SLC1A3: variants seen among roughly 807,000 people sequenced by gnomAD.
The protein encoded by SLC1A3 is excitatory amino acid transporter 1.
A neutral mutation model predicts 48.1 loss-of-function variants in SLC1A3; 21 were observed. The ratio of observed to expected loss-of-function variants is 0.44; its 90% CI spans 0.31 to 0.63. SLC1A3 has a LOEUF of 0.63. Among genes scored for constraint, SLC1A3 ranks in the 20% least tolerant of loss-of-function variants. The probability of loss-of-function intolerance (pLI) is 0.08; values close to 1 mark genes in which losing one functional copy is unlikely to be tolerated. For missense variants in SLC1A3, 546 were observed against 689.0 expected (o/e 0.79, Z 2.32); for synonymous variants, 239 against 251.4 (o/e 0.95, Z 0.47).
chr5:36,609,956 A>G (rs1027426799), intron 2 of SLC1A3, among the ~76,000 whole-genome samples: 1 of 152,218 alleles, frequency 6.6e-6, no homozygotes, highest in Non-Finnish European at 1.5e-5. Context: ...GCAAACATTT[A>G]TATAGTACTA....
chr5:36,613,037 G>C, intron 2 of SLC1A3: 1 of 342,950 alleles, frequency 2.9e-6, no homozygotes, highest in Non-Finnish European at 5.8e-6. Context: ...CAGAGTGGCT[G>C]ATGATGCCAC....
chr5:36,620,742 G>A (rs1018481301), intron 2 of SLC1A3, among the ~76,000 whole-genome samples: 1 of 152,184 alleles, frequency 6.6e-6, no homozygotes, highest in Non-Finnish European at 1.5e-5. Context: ...TTCTAACCTT[G>A]TGGAGCTTAC....
chr5:36,671,264 G>A (rs1741985485), intron 4 of SLC1A3, 31 bp downstream of exon 4: 1 of 1,541,828 alleles, frequency 6.5e-7, no homozygotes, highest in Non-Finnish European at 8.9e-7. Context: ...CCTTTGGGGT[G>A]TATTTTCGCC....
chr5:36,659,831 C>A (rs1213872145), intron 3 of SLC1A3, among the ~76,000 whole-genome samples: 2 of 152,072 alleles, frequency 1.3e-5, no homozygotes, highest in Non-Finnish European at 2.9e-5. Context: ...TGAAAGAGTG[C>A]ACGAATAAGT....
intron 4 of SLC1A3, among the ~76,000 whole-genome samples, 160 bp downstream of exon 4, chr5:36,671,393 A>G (rs756811388): frequency 6.6e-6 from 1 of 152,188 alleles, no homozygotes; most frequent in Non-Finnish European, 1.5e-5. Context: ...GAAATTGAAG[A>G]AAGGATCCAT....
chr5:36,643,523 A>T (rs554952424), intron 3 of SLC1A3, among the ~76,000 whole-genome samples: 1 of 152,186 alleles, frequency 6.6e-6, no homozygotes, highest in African/African-American at 2.4e-5. Flanking sequence ...GCTTTTTGTT[A>T]TTGAATTGTA....
chr5:36,669,162 G>A (rs1208012078), intron 3 of SLC1A3: 1 of 152,254 alleles, frequency 6.6e-6, no homozygotes, highest in African/African-American at 2.4e-5. Flanking sequence ...GCAGGCTTTG[G>A]TGGTGACAAG....
At chr5:36,640,030 G>C (rs1423277008) in intron 3 of SLC1A3, among the ~76,000 whole-genome samples, 1 of 152,202 alleles carries the variant, frequency 6.6e-6, no homozygotes, top group East Asian at 1.9e-4. Flanking sequence ...GAGAGGAAGA[G>C]GTGGGGGCGG....
intron 3 of SLC1A3, among the ~76,000 whole-genome samples, chr5:36,639,718 TAC>T (rs1740536120): frequency 6.6e-6 from 1 of 152,258 alleles, no homozygotes; most frequent in African/African-American, 2.4e-5. Context: ...ATAAATTCCA[TAC>T]AGTTTTATTT....
chr5:36,659,560 G>A (rs2111879906), intron 3 of SLC1A3, among the ~76,000 whole-genome samples: 1 of 152,344 alleles, frequency 6.6e-6, no homozygotes, highest in East Asian at 1.9e-4. Context: ...GTCACAAGCT[G>A]ATAAGTGGGG....
At chr5:36,603,081 A>G (rs1186504032), upstream of SLC1A3, among the ~76,000 whole-genome samples, 1 of 152,214 alleles carries the variant, frequency 6.6e-6, no homozygotes, top group African/African-American at 2.4e-5. Flanking sequence ...TTTACCTAAA[A>G]CGAAAATTAC....
In SLC1A3 at chr5:36,652,325, TACAC is replaced by T. The variant is rs3051477; in HGVS notation, c.320-18686_320-18683del. Among the ~76,000 whole-genome samples the T allele has an allele frequency of 6.0e-3, 906 of 150,502 alleles. 10 individuals are homozygous for T. Among genetic ancestry groups the T allele is most frequent in the African/African-American group, 0.02 (839 of 41,002 alleles). ...CAAGTGGCGTGAGCGCACACACACATACACACACACACACACACACAACATTCAC... is the reference window on the plus strand; with the variant it reads ...CAAGTGGCGTGAGCGCACACACACATACACACACACACACACAACATTCAC... On this transcript the variant is annotated intron_variant, in intron 3 of 9. Transcript: ENST00000265113.
At chr5:36,626,055 G>T (rs940494881) in intron 2 of SLC1A3, among the ~76,000 whole-genome samples, 1 of 152,226 alleles carries the variant, frequency 6.6e-6, no homozygotes, top group Non-Finnish European at 1.5e-5. Context: ...CATTCATGGA[G>T]CTGGCTTACT....
intron 1 of SLC1A3, among the ~76,000 whole-genome samples, chr5:36,596,712 C>G (rs1475641864): frequency 2.6e-5 from 4 of 152,182 alleles, no homozygotes; most frequent in South Asian, 2.1e-4. Context: ...ATTTGAAAAA[C>G]AGCAAACATC....
At chr5:36,597,242 T>C in intron 1 of SLC1A3, among the ~76,000 whole-genome samples, 1 of 93,770 alleles carries the variant, frequency 1.1e-5, no homozygotes, top group African/African-American at 4.5e-5. Flanking sequence ...TCTTTTTTTT[T>C]TTTTTTTTTT....
At chr5:36,664,317 G>A (rs796979164) in intron 3 of SLC1A3, among the ~76,000 whole-genome samples, 1 of 152,124 alleles carries the variant, frequency 6.6e-6, no homozygotes, top group African/African-American at 2.4e-5. Context: ...ATTTTTAGTA[G>A]AGACAGGGTT....
chr5:36,638,318 C>T (rs1740475546), intron 3 of SLC1A3, among the ~76,000 whole-genome samples: 1 of 152,136 alleles, frequency 6.6e-6, no homozygotes, highest in African/African-American at 2.4e-5. Flanking sequence ...CTTCGCAAGC[C>T]CCTCTACCAG....
At chr5:36,685,906 C>A (rs10079671) in intron 9 of SLC1A3, among the ~76,000 whole-genome samples, 159 bp from the exon 10 acceptor site, 2,802 of 152,322 alleles carry the variant, frequency 0.018, 91 homozygotes, top group African/African-American at 0.064. Context: ...TTAATAGCTA[C>A]TATTATGAAT....
chr5:36,626,816 A>G (rs1739923272), intron 2 of SLC1A3, among the ~76,000 whole-genome samples: 1 of 152,254 alleles, frequency 6.6e-6, no homozygotes, highest in Non-Finnish European at 1.5e-5. Flanking sequence ...TGCTGTGTTA[A>G]ATAATGCACA....
Sources: gnomAD v4.1 joint callset for allele counts (sites outside exome capture counted in the v4.1 genomes callset) on GRCh38, gnomAD v4.1.1 for gene constraint, MANE v1.5 for transcripts, NCBI Gene and HGNC (gene_info 2026-07-23, HGNC 2026-07-21) for gene names.